The following TMEM123 variants were observed in gnomAD, a reference collection of about 807,000 sequenced individuals.
The protein encoded by TMEM123 is transmembrane protein 123.
A neutral mutation model predicts 19.7 loss-of-function variants in TMEM123; 16 were observed. That is an observed-to-expected ratio of 0.81 (90% CI 0.55 to 1.23). TMEM123 has a LOEUF of 1.23. Ranked by LOEUF, TMEM123 falls within the 50% of genes most tolerant of loss-of-function variation. The probability of loss-of-function intolerance (pLI) is 0.00; values close to 1 mark genes in which losing one functional copy is unlikely to be tolerated. For missense variants in TMEM123, 313 were observed against 257.8 expected (o/e 1.21, Z -1.47); for synonymous variants, 118 against 99.4 (o/e 1.19, Z -1.12).
At chr11:102,422,565 C>T (rs1259081475) in intron 2 of TMEM123, among the ~76,000 whole-genome samples, 2 of 152,168 alleles carry the variant, frequency 1.3e-5, no homozygotes, top group East Asian at 3.8e-4. Flanking sequence ...AAGTGTGCCC[C>T]TCCTCAACTG....
At position 102,397,580 on chromosome 11, in the gene TMEM123, T is replaced by C. The variant is rs1289619282; in HGVS notation, c.*1287A>G. On this transcript the variant is annotated 3_prime_UTR_variant, in exon 5 of 5. Transcript: ENST00000398136. ...ATTAACATAATGCATCTGAGAGTAC[T>C]TCTCCTTCAGCATGGAGTAAGAGGA... is the stretch of plus-strand genomic sequence containing the variant. The C allele has an allele frequency of 2.0e-5, 3 of 152,204 alleles. No individual in the cohort carries two copies. The highest frequency in any genetic ancestry group is 2.1e-4 in the South Asian group (1 of 4,830). 9.4% of individuals were successfully genotyped at this position (152,204 alleles called of 1,614,324 possible). A position where few individuals can be genotyped will look rare whatever the true frequency, so the allele number is the denominator to read the frequency against.
rs892277483 is a variant in TMEM123, at chr11:102,452,313, A to G, written c.100+211T>C. 12 of 403,520 alleles carry G rather than the reference A, an allele frequency of 3.0e-5. 1 individual carries two copies. Among genetic ancestry groups the G allele is most frequent in the Admixed American group, 2.2e-4 (5 of 23,012 alleles). 25.0% of individuals were successfully genotyped at this position (403,520 alleles called of 1,614,324 possible). On this transcript the variant is annotated intron_variant, in intron 1 of 4. Coordinates refer to ENST00000398136, the MANE Select transcript of TMEM123 (RefSeq NM_052932.3). ...TCCAAAAAGCGAGAGGGGAAGCACC[A>G]GGCAATTTCCTCAGCAGGCGGCCCC...
chr11:102,418,490 A>T (rs1952059368), intron 2 of TMEM123, among the ~76,000 whole-genome samples: 1 of 152,228 alleles, frequency 6.6e-6, no homozygotes, highest in South Asian at 2.1e-4. Flanking sequence ...ACCAGTCAGA[A>T]TGGTAAAAAA....
intron 2 of TMEM123, among the ~76,000 whole-genome samples, chr11:102,421,935 C>T (rs1565351218): frequency 6.6e-6 from 1 of 152,150 alleles, no homozygotes; most frequent in Non-Finnish European, 1.5e-5. Context: ...AATAAATGCC[C>T]TGAAGTGCTG....
At chr11:102,422,094 CA>C (rs760601172) in intron 2 of TMEM123, among the ~76,000 whole-genome samples, 8 of 152,178 alleles carry the variant, frequency 5.3e-5, no homozygotes, top group Non-Finnish European at 1.0e-4. Context: ...ATTGATTAGG[CA>C]TTAATTTTAC....
chr11:102,450,552 A>T (rs1055314038), intron 1 of TMEM123, among the ~76,000 whole-genome samples: 7 of 152,216 alleles, frequency 4.6e-5, no homozygotes, highest in African/African-American at 1.7e-4. Context: ...GAATTTCAAT[A>T]ATGTTTTTAT....
rs763547180 is a variant in TMEM123, at chr11:102,448,863, C to T, written c.106G>A (p.Ala36Thr). The T allele has an allele frequency of 1.3e-5, 21 of 1,613,514 alleles. No individual in the cohort carries two copies. Among genetic ancestry groups the T allele is most frequent in the Non-Finnish European group, 1.8e-5 (21 of 1,179,620 alleles). The change falls in exon 2 of 5, where the codon GCA becomes ACA. Residue 36 changes from alanine (A) to threonine (T), a missense_variant. Coordinates refer to ENST00000398136, the MANE Select transcript of TMEM123 (RefSeq NM_052932.3). ...GGAAGCCCAGAATTCTCTATGTTTG[C>T]AGATGCTGTAAAAATAAAGAAATAT... ...AHESAAMAASANIENSGLPHN... is the reference protein window; with the variant it reads ...AHESAAMAASTNIENSGLPHN...
chr11:102,406,744 G>A (rs1299752625), intron 2 of TMEM123, among the ~76,000 whole-genome samples: 2 of 151,778 alleles, frequency 1.3e-5, no homozygotes, highest in East Asian at 3.9e-4. Flanking sequence ...GGTGGCGGGC[G>A]CCTGTAGTCC....
chr11:102,445,689 A>G (rs934608624), intron 2 of TMEM123, among the ~76,000 whole-genome samples: 3 of 152,226 alleles, frequency 2.0e-5, no homozygotes, highest in African/African-American at 7.2e-5. Context: ...CTTCTGTAGA[A>G]ATCTAAATGC....
chr11:102,440,622 T>C (rs1406285422), intron 2 of TMEM123, among the ~76,000 whole-genome samples: 1 of 152,126 alleles, frequency 6.6e-6, no homozygotes, highest in Non-Finnish European at 1.5e-5. Flanking sequence ...CCATCGATGA[T>C]AGGAAGAAAC....
At chr11:102,405,032 G>A (rs1951943372) in intron 2 of TMEM123, among the ~76,000 whole-genome samples, 1 of 151,582 alleles carries the variant, frequency 6.6e-6, no homozygotes, top group Non-Finnish European at 1.5e-5. Context: ...CTCTTCTACT[G>A]AGTATGACCT....
chr11:102,417,737 A>G (rs1287502694), intron 2 of TMEM123, among the ~76,000 whole-genome samples: 1 of 152,204 alleles, frequency 6.6e-6, no homozygotes, highest in Non-Finnish European at 1.5e-5. Context: ...CCTGACTTTA[A>G]ACTATACTAC....
chr11:102,412,716 T>C (rs1952015152), intron 2 of TMEM123, among the ~76,000 whole-genome samples: 1 of 152,150 alleles, frequency 6.6e-6, no homozygotes, highest in Non-Finnish European at 1.5e-5. Context: ...AAAATATATT[T>C]CATATACAAG....
intron 1 of TMEM123, chr11:102,452,126 G>A: frequency 6.1e-6 from 1 of 162,688 alleles, no homozygotes; most frequent in East Asian, 1.7e-4. Context: ...CGTTTCCGCG[G>A]GCCTAGGTAG....
At chr11:102,436,865 TCTC>T (rs1192603087) in intron 2 of TMEM123, among the ~76,000 whole-genome samples, 5 of 152,192 alleles carry the variant, frequency 3.3e-5, no homozygotes, top group African/African-American at 1.2e-4. Context: ...TTGAATTCAT[TCTC>T]CTATTCACAC....
intron 2 of TMEM123, among the ~76,000 whole-genome samples, chr11:102,413,329 C>T (rs556967870): frequency 2.0e-4 from 31 of 152,238 alleles, no homozygotes; most frequent in African/African-American, 7.2e-4. Context: ...GAAACCATCT[C>T]GAGATGGTTC....
At chr11:102,440,765 A>G (rs972658267) in intron 2 of TMEM123, among the ~76,000 whole-genome samples, 3 of 152,236 alleles carry the variant, frequency 2.0e-5, no homozygotes, top group African/African-American at 7.2e-5. Flanking sequence ...TTGGATAAAG[A>G]GTCAAGACTC....
intron 2 of TMEM123, among the ~76,000 whole-genome samples, chr11:102,438,649 T>C (rs1265781686): frequency 6.6e-6 from 1 of 152,206 alleles, no homozygotes; most frequent in African/African-American, 2.4e-5. Flanking sequence ...TAGGAACAGC[T>C]CCAGTCTACA....
At chr11:102,448,990 G>C in intron 1 of TMEM123, 122 bp from the exon 2 acceptor site, 1 of 953,048 alleles carries the variant, frequency 1.0e-6, no homozygotes. Context: ...TATTCCACAG[G>C]AAGTTCTACT....
Sources: gnomAD v4.1 joint callset for allele counts (sites outside exome capture counted in the v4.1 genomes callset) on GRCh38, gnomAD v4.1.1 for gene constraint, MANE v1.5 for transcripts, NCBI Gene and HGNC (gene_info 2026-07-23, HGNC 2026-07-21) for gene names.